USH2A: variants seen among roughly 807,000 people sequenced by gnomAD.
USH2A encodes usherin.
USH2A carries 443 observed loss-of-function variants against 538.9 expected under a neutral mutation model. The ratio of observed to expected loss-of-function variants is 0.82; its 90% confidence interval spans 0.76 to 0.89. USH2A has a LOEUF of 0.89. Among genes scored for constraint, USH2A ranks in the 40% least tolerant of loss-of-function variants. USH2A has a pLI of 0.00. For missense variants in USH2A, 6,633 were observed against 6,324.8 expected (o/e 1.05, Z -1.65); for synonymous variants, 2,413 against 2,273.5 (o/e 1.06, Z -1.75).
At chr1:215,880,851 G>A (rs539127304) in intron 41 of USH2A, among the ~76,000 whole-genome samples, 37 of 152,278 alleles carry the variant, frequency 2.4e-4, no homozygotes, top group African/African-American at 8.7e-4. Context: ...GTCCTGAATG[G>A]TATTGCCTAG....
At chr1:216,054,878 C>G (rs1238634421) in intron 30 of USH2A, among the ~76,000 whole-genome samples, 2 of 152,180 alleles carry the variant, frequency 1.3e-5, no homozygotes, top group Non-Finnish European at 2.9e-5. Flanking sequence ...CTGCTCTGCT[C>G]TCATCACCCA....
intron 61 of USH2A, among the ~76,000 whole-genome samples, chr1:215,705,444 G>A (rs148760839): frequency 1.3e-5 from 2 of 152,330 alleles, no homozygotes; most frequent in Admixed American, 1.3e-4. Flanking sequence ...GAGAGTTTGT[G>A]CAGGCACAGG....
intron 70 of USH2A, among the ~76,000 whole-genome samples, chr1:215,633,646 G>T (rs912683664): frequency 6.6e-6 from 1 of 152,132 alleles, no homozygotes; most frequent in African/African-American, 2.4e-5. Flanking sequence ...GAACCTTAGT[G>T]CAAACTGGAA....
chr1:215,765,085 G>A (rs912706708), intron 56 of USH2A, among the ~76,000 whole-genome samples: 9 of 151,870 alleles, frequency 5.9e-5, no homozygotes, highest in Non-Finnish European at 1.2e-4. Flanking sequence ...AAATTTTGTT[G>A]GGAAAATTTC....
intron 43 of USH2A, among the ~76,000 whole-genome samples, chr1:215,873,863 A>T (rs1003158534): frequency 7.4e-4 from 112 of 152,224 alleles, no homozygotes; most frequent in Admixed American, 4.1e-3. Context: ...CAATTAGAAC[A>T]TACATTCCTT....
intron 3 of USH2A, among the ~76,000 whole-genome samples, chr1:216,369,008 T>C (rs2038652117): frequency 6.6e-6 from 1 of 152,116 alleles, no homozygotes; most frequent in Middle Eastern, 3.2e-3. Context: ...TAAAAGATCA[T>C]GATGGATGAT....
intron 15 of USH2A, among the ~76,000 whole-genome samples, chr1:216,208,977 A>G (rs2035178888): frequency 6.6e-6 from 1 of 152,168 alleles, no homozygotes; most frequent in South Asian, 2.1e-4. Context: ...TAAGACCCCC[A>G]CAAGGAAAGC....
intron 56 of USH2A, among the ~76,000 whole-genome samples, chr1:215,763,068 G>T (rs1222665122): frequency 6.6e-6 from 1 of 152,122 alleles, no homozygotes; most frequent in Non-Finnish European, 1.5e-5. Context: ...AACAAATTTT[G>T]TATTAGCTGA....
At chr1:216,023,321 A>G (rs1206508667) in intron 32 of USH2A, among the ~76,000 whole-genome samples, 2 of 151,972 alleles carry the variant, frequency 1.3e-5, no homozygotes, top group Non-Finnish European at 2.9e-5. Flanking sequence ...TAAAGCATGG[A>G]TTTAGGAAAG....
intron 12 of USH2A, among the ~76,000 whole-genome samples, chr1:216,249,883 A>G (rs2036126080): frequency 6.6e-6 from 1 of 152,064 alleles, no homozygotes. Context: ...TGTGTGAGAG[A>G]GAGAGAGAGA....
chr1:216,093,835 T>C (rs2032366204), intron 22 of USH2A, among the ~76,000 whole-genome samples: 1 of 152,222 alleles, frequency 6.6e-6, no homozygotes, highest in Non-Finnish European at 1.5e-5. Flanking sequence ...AATAAATTCT[T>C]AGCAAAGTTT....
intron 21 of USH2A, among the ~76,000 whole-genome samples, chr1:216,128,309 G>A (rs546881228): frequency 2.2e-4 from 34 of 152,104 alleles, no homozygotes; most frequent in African/African-American, 5.1e-4. Context: ...AAAGAGTAAC[G>A]CAATGAGGCT....
rs1553268568 is a variant in USH2A, at chr1:215,845,865, C to G, written c.9014G>C (p.Ser3005Thr). ...TGCATGAAGTCCTGCACTGTTGATG[C>G]TGTGGACTCCATTGAAGACAGAGAT... ...IFISVFNGVH[S>T]INSAGLHATT... Residue 3005 changes from serine (S) to threonine (T), a missense_variant, in exon 45 of 72, where the codon AGC (serine) becomes ACC (threonine). Ser to Thr is a moderately conservative substitution (Grantham distance 58, BLOSUM62 1). Coordinates refer to ENST00000307340, the MANE Select transcript of USH2A (RefSeq NM_206933.4). 4 of 1,613,892 alleles carry G rather than the reference C, an allele frequency of 2.5e-6. No homozygotes were observed. The Middle Eastern group carries it at 6.6e-4, about 267-fold the overall frequency.
At chr1:216,392,708 A>T (rs952661123) in intron 3 of USH2A, among the ~76,000 whole-genome samples, 2 of 152,148 alleles carry the variant, frequency 1.3e-5, no homozygotes, top group Admixed American at 1.3e-4. Flanking sequence ...TTAAAGATGT[A>T]CTATGGTTAA....
At chr1:216,259,979 C>T (rs1462299386) in intron 11 of USH2A, among the ~76,000 whole-genome samples, 1 of 151,792 alleles carries the variant, frequency 6.6e-6, no homozygotes, top group Non-Finnish European at 1.5e-5. Flanking sequence ...AACTGCAGTA[C>T]GAGTGCAGGC....
chr1:216,376,451 T>G (rs894834844), intron 3 of USH2A, among the ~76,000 whole-genome samples: 1 of 150,668 alleles, frequency 6.6e-6, no homozygotes, highest in African/African-American at 2.4e-5. Context: ...ATTAGGTTAC[T>G]CCAAGCCTTC....
intron 71 of USH2A, among the ~76,000 whole-genome samples, chr1:215,626,309 A>ATATGTATG (rs957763142): frequency 6.7e-6 from 1 of 150,072 alleles, no homozygotes; most frequent in African/African-American, 2.4e-5. Context: ...CTATATATAT[A>ATATGTATG]TATGTATGTA....
At chr1:216,024,464 C>T (rs1425539649) in intron 32 of USH2A, among the ~76,000 whole-genome samples, 1 of 151,992 alleles carries the variant, frequency 6.6e-6, no homozygotes, top group Non-Finnish European at 1.5e-5. Context: ...CAGAGGCTAA[C>T]TGATCTTTTA....
intron 13 of USH2A, among the ~76,000 whole-genome samples, chr1:216,234,179 T>C (rs186255731): frequency 7.4e-4 from 112 of 152,346 alleles, no homozygotes; most frequent in African/African-American, 2.3e-3. Flanking sequence ...CAGGCTCTTG[T>C]TGAAAACAAG....
Sources: gnomAD v4.1 joint callset for allele counts (sites outside exome capture counted in the v4.1 genomes callset) on GRCh38, gnomAD v4.1.1 for gene constraint, MANE v1.5 for transcripts, NCBI Gene and HGNC (gene_info 2026-07-23, HGNC 2026-07-21) for gene names.